Variants in PTPRD observed in about 807,000 individuals in gnomAD.
PTPRD encodes protein tyrosine phosphatase receptor type D, also known as receptor-type tyrosine-protein phosphatase delta.
In PTPRD, 34 loss-of-function variants were observed where a neutral mutation model predicts 214.5. The observed-to-expected ratio is 0.16, with a 90% confidence interval of 0.12 to 0.21. The LOEUF is 0.21. PTPRD is among the 10% of genes least tolerant of loss of function. PTPRD has a pLI of 1.00. For missense variants in PTPRD, 2,545 were observed against 2,398.7 expected (o/e 1.06, Z -1.27); for synonymous variants, 1,128 against 845.7 (o/e 1.33, Z -5.79).
intron 5 of PTPRD, among the ~76,000 whole-genome samples, chr9:9,920,845 C>T (rs1037627034): frequency 6.6e-6 from 1 of 152,104 alleles, no homozygotes; most frequent in African/African-American, 2.4e-5. Context: ...TGACCCACTC[C>T]GGCTTCCATC....
intron 11 of PTPRD, among the ~76,000 whole-genome samples, chr9:8,775,240 T>G (rs1046522553): frequency 6.6e-6 from 1 of 152,196 alleles, no homozygotes; most frequent in Non-Finnish European, 1.5e-5. Context: ...GGGGTCTTTT[T>G]TTCTGATATG....
intron 10 of PTPRD, among the ~76,000 whole-genome samples, chr9:9,058,600 C>A (rs2099701176): frequency 6.6e-6 from 1 of 150,964 alleles, no homozygotes; most frequent in African/African-American, 2.4e-5. Flanking sequence ...CAGGCTCCCG[C>A]CACCTCGCCC....
intron 44 of PTPRD, among the ~76,000 whole-genome samples, chr9:8,326,428 T>G (rs1347788337): frequency 2.0e-5 from 3 of 151,926 alleles, no homozygotes; most frequent in Admixed American, 6.6e-5. Context: ...GCCGACTTGA[T>G]CGTGGTGGAT....
chr9:9,012,742 A>G (rs1341154212), intron 11 of PTPRD, among the ~76,000 whole-genome samples: 1 of 152,160 alleles, frequency 6.6e-6, no homozygotes, highest in Non-Finnish European at 1.5e-5. Flanking sequence ...CCATTCTGCC[A>G]TCCAGGATAA....
At chr9:10,218,630 G>C (rs1181495686) in intron 3 of PTPRD, among the ~76,000 whole-genome samples, 1 of 151,736 alleles carries the variant, frequency 6.6e-6, no homozygotes, top group African/African-American at 2.4e-5. Flanking sequence ...AATAAGAAAA[G>C]ATACCATAAT....
chr9:8,887,828 T>C (rs2098504318), intron 11 of PTPRD, among the ~76,000 whole-genome samples: 1 of 152,170 alleles, frequency 6.6e-6, no homozygotes, highest in African/African-American at 2.4e-5. Flanking sequence ...CCACCTTCTA[T>C]GATTATTTCC....
intron 27 of PTPRD, among the ~76,000 whole-genome samples, chr9:8,487,711 G>C (rs746117362): frequency 6.6e-6 from 1 of 152,194 alleles, no homozygotes; most frequent in African/African-American, 2.4e-5. Context: ...TCGGGAGGCT[G>C]AGGCAGGAGC....
intron 11 of PTPRD, among the ~76,000 whole-genome samples, chr9:8,924,986 T>A (rs1052128370): frequency 2.6e-5 from 4 of 152,110 alleles, no homozygotes; most frequent in Non-Finnish European, 5.9e-5. Flanking sequence ...ACTTGCTTGG[T>A]CCCATATGTT....
intron 14 of PTPRD, among the ~76,000 whole-genome samples, chr9:8,627,838 T>C (rs1228734944): frequency 6.6e-6 from 1 of 151,890 alleles, no homozygotes; most frequent in Non-Finnish European, 1.5e-5. Context: ...TCACTGTTTT[T>C]AAATTCTAAA....
intron 12 of PTPRD, among the ~76,000 whole-genome samples, chr9:8,698,672 C>T (rs879562785): frequency 9.9e-5 from 15 of 152,132 alleles, no homozygotes; most frequent in Middle Eastern, 3.2e-3. Flanking sequence ...CTACACCTGC[C>T]GCCTCATGGT....
chr9:10,082,840 A>ACAAACAC (rs1555566891), intron 3 of PTPRD, among the ~76,000 whole-genome samples: 57 of 128,300 alleles, frequency 4.4e-4, no homozygotes, highest in African/African-American at 1.4e-3. Flanking sequence ...CACACACACA[A>ACAAACAC]ACACACACAC....
intron 9 of PTPRD, among the ~76,000 whole-genome samples, chr9:9,234,237 C>T (rs1202126684): frequency 3.3e-5 from 5 of 152,218 alleles, no homozygotes; most frequent in Admixed American, 3.3e-4. Context: ...TTGGGACTTG[C>T]ATCATCTGAA....
chr9:9,532,890 T>C (rs914925935), intron 8 of PTPRD, among the ~76,000 whole-genome samples: 1 of 152,134 alleles, frequency 6.6e-6, no homozygotes, highest in Non-Finnish European at 1.5e-5. Flanking sequence ...TACTGAAACC[T>C]CTCTTAAAAT....
At chr9:10,078,363 A>G (rs2098170481) in intron 3 of PTPRD, among the ~76,000 whole-genome samples, 2 of 150,748 alleles carry the variant, frequency 1.3e-5, no homozygotes, top group African/African-American at 4.9e-5. Flanking sequence ...AAAAAAAAAA[A>G]AAATTAGCTG....
rs145942559 is a variant in PTPRD at position 9,742,978 on chromosome 9, A to G, written c.-325-8407T>C. Among the ~76,000 whole-genome samples, 189 of 152,322 alleles carry G rather than the reference A, an allele frequency of 1.2e-3. 1 individual carries two copies. The highest frequency in any genetic ancestry group is 4.2e-3 in the African/African-American group (176 of 41,590). ...TCTTCCTTTCTAATAATTAATAGGC[A>G]TAACTGTACTTCTATGTCATACCAA... is the stretch of plus-strand genomic sequence containing the variant. On this transcript the variant is annotated intron_variant, in intron 6 of 45. Transcript: ENST00000381196.
intron 10 of PTPRD, among the ~76,000 whole-genome samples, chr9:9,053,060 A>T (rs2099689416): frequency 1.3e-5 from 2 of 152,166 alleles, no homozygotes; most frequent in South Asian, 2.1e-4. Context: ...ATTTTTTCCT[A>T]TAGAACAATA....
chr9:9,557,117 A>G (rs1440093936), intron 8 of PTPRD, among the ~76,000 whole-genome samples: 1 of 152,202 alleles, frequency 6.6e-6, no homozygotes, highest in Non-Finnish European at 1.5e-5. Flanking sequence ...TTTCATTGCC[A>G]TTGTAAACCA....
intron 44 of PTPRD, among the ~76,000 whole-genome samples, chr9:8,322,996 T>C (rs560367511): frequency 1.3e-5 from 2 of 152,272 alleles, no homozygotes; most frequent in East Asian, 3.9e-4. Context: ...TCATTTTAAG[T>C]CAAAAGCTTG....
chr9:8,708,898 G>A (rs563145584), intron 12 of PTPRD, among the ~76,000 whole-genome samples: 3 of 152,170 alleles, frequency 2.0e-5, no homozygotes, highest in Non-Finnish European at 4.4e-5. Flanking sequence ...TGTACACAGT[G>A]AAATCCTACT....
Sources: allele counts gnomAD v4.1 joint callset (sites outside exome capture counted in the v4.1 genomes callset), GRCh38; gene constraint gnomAD v4.1.1; transcripts MANE v1.5; gene names NCBI Gene and HGNC (gene_info 2026-07-23, HGNC 2026-07-21).